Variants in CARMIL1 observed in about 807,000 individuals in gnomAD.
CARMIL1 encodes the protein capping protein regulator and myosin 1 linker 1.
Under a neutral mutation model 177.1 loss-of-function variants are expected in CARMIL1, and 90 were observed. The observed-to-expected ratio is 0.51, with a 90% CI of 0.43 to 0.61. CARMIL1 has a LOEUF of 0.61. CARMIL1 is among the 20% of genes least tolerant of loss of function. The pLI is 0.00. For synonymous variants in CARMIL1, 577 were observed against 606.2 expected (o/e 0.95, Z 0.71); for missense variants, 1,380 against 1,667.0 (o/e 0.83, Z 3.00).
At chr6:25,596,355 G>A (rs1379976899) in intron 32 of CARMIL1, among the ~76,000 whole-genome samples, 1 of 152,080 alleles carries the variant, frequency 6.6e-6, no homozygotes, top group Non-Finnish European at 1.5e-5. Context: ...AAGGTCAAGG[G>A]ATAGGTAAAA....
intron 31 of CARMIL1, among the ~76,000 whole-genome samples, chr6:25,583,248 C>T (rs560508733): frequency 6.6e-6 from 1 of 152,314 alleles, no homozygotes; most frequent in Non-Finnish European, 1.5e-5. Context: ...CTCCTTACCC[C>T]TCCCACTGTG....
At chr6:25,327,386 A>G (rs1402913166) in intron 2 of CARMIL1, among the ~76,000 whole-genome samples, 1 of 152,246 alleles carries the variant, frequency 6.6e-6, no homozygotes. Flanking sequence ...TGTAGCATAG[A>G]GATCACTAGG....
intron 2 of CARMIL1, among the ~76,000 whole-genome samples, chr6:25,335,153 T>A (rs995125102): frequency 7.9e-5 from 12 of 152,232 alleles, no homozygotes; most frequent in Non-Finnish European, 1.5e-4. Context: ...GGAAGTCTCC[T>A]TGGGAATCAT....
At chr6:25,339,558 T>G (rs147455748) in intron 2 of CARMIL1, among the ~76,000 whole-genome samples, 1 of 152,356 alleles carries the variant, frequency 6.6e-6, no homozygotes. Context: ...CAGATATTCT[T>G]CCTTGAGTAC....
At chr6:25,281,358 CTGGCTGGTCAGGGGATAAGGA>C (rs1195809548) in intron 1 of CARMIL1, among the ~76,000 whole-genome samples, 2 of 151,990 alleles carry the variant, frequency 1.3e-5, no homozygotes, top group Admixed American at 1.3e-4. Flanking sequence ...CAGGGCTTGC[CTGGCTGGTCAGGGGATAAGGA>C]TGGCTAAAGT....
intron 2 of CARMIL1, among the ~76,000 whole-genome samples, chr6:25,289,825 G>A (rs532031320): frequency 6.6e-6 from 1 of 152,334 alleles, no homozygotes; most frequent in Admixed American, 6.5e-5. Context: ...CCATTGGCTA[G>A]TTGATGGACA....
At position 25,426,670 on chromosome 6, in the gene CARMIL1, T is replaced by A. The variant is rs183264744; in HGVS notation, c.249+110T>A. The stretch of plus-strand genomic sequence containing the variant: ...TAAACAAGGTTAGGGAAGATGAAAT[T>A]TTTGAAATGAGAGACTCAACACTGG... On this transcript the variant is annotated intron_variant, in intron 4 of 36. Coordinates refer to ENST00000329474, the MANE Select transcript of CARMIL1 (RefSeq NM_017640.6). 3,285 of 970,298 alleles carry A rather than the reference T, an allele frequency of 3.4e-3. 20 individuals carry two copies. The highest frequency in any genetic ancestry group is 0.012 in the Middle Eastern group (56 of 4,538). 60.1% of individuals were successfully genotyped at this position (970,298 alleles called of 1,614,324 possible). A position where few individuals can be genotyped will look rare whatever the true frequency, so the allele number is the denominator to read the frequency against.
At chr6:25,435,689 C>T in intron 5 of CARMIL1, 85 bp downstream of exon 5, 1 of 1,398,426 alleles carries the variant, frequency 7.2e-7, no homozygotes, top group South Asian at 1.5e-5. Context: ...CTTTTTACCC[C>T]TTCACTTAGT....
chr6:25,499,736 A>G (rs1804119075), intron 16 of CARMIL1, among the ~76,000 whole-genome samples: 1 of 152,184 alleles, frequency 6.6e-6, no homozygotes, highest in Non-Finnish European at 1.5e-5. Context: ...CCTCACTTAC[A>G]TATTCCTTAG....
chr6:25,463,608 A>AT lies in CARMIL1; in HGVS notation c.615-2264dup, dbSNP rs1465173738. Reference sequence around the variant, plus strand: ...ACAAAAAAGATGAGACTGCTTTGCCATCATTCTGAATGTTGAAATATACAA... The same window carrying AT: ...ACAAAAAAGATGAGACTGCTTTGCCATTCATTCTGAATGTTGAAATATACAA... On this transcript the variant is annotated intron_variant, in intron 8 of 36. Transcript: ENST00000329474. Among the ~76,000 whole-genome samples the AT allele has an allele frequency of 2.0e-5, 3 of 152,232 alleles. No individual in the cohort carries two copies. The South Asian group carries it at 6.2e-4, about 32-fold the overall frequency.
At position 25,491,954 on chromosome 6, in the gene CARMIL1, G is replaced by A. The variant is rs1803280628; in HGVS notation, c.1150G>A (p.Gly384Arg). ...TGCCTTATTTCTTTTTCAGGTCTGT[G>A]GAGCTCTTCTCCGTGGATGCCTTCA... ...NTECSLDMVCGALLRGCLQYL... is the reference protein window; with the variant it reads ...NTECSLDMVCRALLRGCLQYL... The change falls in exon 15 of 37, where the codon GGA becomes AGA. Residue 384 changes from glycine to arginine, a missense_variant. Gly to Arg is a moderately radical substitution (Grantham distance 125). Transcript: ENST00000329474. The A allele has an allele frequency of 1.9e-6, 3 of 1,613,400 alleles. No homozygotes were observed. The East Asian group carries it at 6.7e-5, about 36-fold the overall frequency.
intron 13 of CARMIL1, among the ~76,000 whole-genome samples, chr6:25,490,844 A>G (rs1157403474): frequency 6.6e-6 from 1 of 152,192 alleles, no homozygotes; most frequent in African/African-American, 2.4e-5. Context: ...CCTTGATAGG[A>G]TTCTTCTGAA....
At chr6:25,459,274 T>TCTTTCTTTCTTTC (rs1799907930) in intron 8 of CARMIL1, among the ~76,000 whole-genome samples, 2 of 30,974 alleles carry the variant, frequency 6.5e-5, no homozygotes, top group Non-Finnish European at 1.5e-4. Flanking sequence ...TTCTTTTTTT[T>TCTTTCTTTCTTTC]TTTTTTAAGA....
chr6:25,390,310 ATATATATATATTTTTTTT>A (rs1792637136), intron 2 of CARMIL1, among the ~76,000 whole-genome samples: 1 of 38,624 alleles, frequency 2.6e-5, no homozygotes, highest in South Asian at 9.7e-4. Flanking sequence ...ATATATATAT[ATATATATATATTTTTTTT>A]TTTTTTTTTT....
intron 33 of CARMIL1, among the ~76,000 whole-genome samples, chr6:25,601,216 A>G (rs983551230): frequency 6.6e-6 from 1 of 152,192 alleles, no homozygotes; most frequent in Non-Finnish European, 1.5e-5. Context: ...TTGCTAAAGA[A>G]CCTGGAGCAC....
At chr6:25,414,015 T>G (rs1449748056) in intron 2 of CARMIL1, among the ~76,000 whole-genome samples, 1 of 152,204 alleles carries the variant, frequency 6.6e-6, no homozygotes, top group Non-Finnish European at 1.5e-5. Flanking sequence ...ATGCTATTAG[T>G]TAAGTTATAA....
intron 24 of CARMIL1, among the ~76,000 whole-genome samples, chr6:25,537,599 A>G (rs144025600): frequency 6.6e-6 from 1 of 152,340 alleles, no homozygotes; most frequent in East Asian, 1.9e-4. Context: ...TTCCTAAGGC[A>G]GGAAAGGGAA....
intron 2 of CARMIL1, among the ~76,000 whole-genome samples, chr6:25,378,577 A>G (rs928105446): frequency 6.6e-6 from 1 of 152,162 alleles, no homozygotes; most frequent in African/African-American, 2.4e-5. Context: ...CTGGGAGTGC[A>G]CTGAAAGCAT....
chr6:25,568,258 CTTAT>C (rs1400156712), intron 29 of CARMIL1, among the ~76,000 whole-genome samples: 7 of 152,064 alleles, frequency 4.6e-5, no homozygotes, highest in African/African-American at 1.7e-4. Flanking sequence ...GTGTTTCTGA[CTTAT>C]TTGAGAAACT....
Sources: gnomAD v4.1 joint callset for allele counts (sites outside exome capture counted in the v4.1 genomes callset) on GRCh38, gnomAD v4.1.1 for gene constraint, MANE v1.5 for transcripts, NCBI Gene and HGNC (gene_info 2026-07-23, HGNC 2026-07-21) for gene names.